The following MTNR1A variants were observed in gnomAD, a reference collection of about 807,000 sequenced individuals.
MTNR1A encodes the protein melatonin receptor type 1A.
In MTNR1A, 7 loss-of-function variants were observed where a neutral mutation model predicts 5.5. The observed-to-expected ratio is 1.28, with a 90% confidence interval of 0.73 to 2.40. MTNR1A has a LOEUF of 2.40. MTNR1A is among the 30% of genes most tolerant of loss of function. The pLI, the probability that MTNR1A is intolerant of heterozygous loss-of-function variation, is 0.00. For missense variants in MTNR1A, 441 were observed against 464.4 expected (o/e 0.95, Z 0.46); for synonymous variants, 196 against 202.7 (o/e 0.97, Z 0.28).
rs779510062 is a variant in MTNR1A at position 186,555,217 on chromosome 4, A to G, written c.149T>C (p.Leu50Pro). The change falls in exon 1 of 2, where the codon CTG becomes CCG. Residue 50 changes from leucine to proline, a missense_variant. Physicochemically the swap from Leu to Pro is moderately conservative, Grantham distance 98. Transcript: ENST00000307161. This position sits in a 1 kb window ranked among gnomAD's most constrained non-coding sequence, Gnocchi z 4.1. ...VDILGNLLVILSVYRNKKLRN... is the reference protein window; with the variant it reads ...VDILGNLLVIPSVYRNKKLRN... ...GAGCTTCTTGTTCCGATACACCGAC[A>G]GGATGACCAGGAGGTTGCCCAGGAT... 3.8e-6 allele frequency: 6 copies of G among 1,592,626 alleles called. No homozygotes were observed. The South Asian group carries it at 6.8e-5, about 18-fold the overall frequency.
chr4:186,538,882 G>A (rs1736940733), intron 1 of MTNR1A, among the ~76,000 whole-genome samples: 1 of 152,098 alleles, frequency 6.6e-6, no homozygotes, highest in African/African-American at 2.4e-5. Flanking sequence ...CAGTAGTTAA[G>A]GGACACTGGT....
chr4:186,539,822 A>G (rs2111372833), intron 1 of MTNR1A, among the ~76,000 whole-genome samples: 1 of 152,350 alleles, frequency 6.6e-6, no homozygotes, highest in African/African-American at 2.4e-5. Context: ...AGATTAAGAC[A>G]CCAATGGGGC....
intron 1 of MTNR1A, among the ~76,000 whole-genome samples, chr4:186,536,683 G>A (rs1028346833): frequency 6.6e-6 from 1 of 152,146 alleles, no homozygotes; most frequent in Non-Finnish European, 1.5e-5. Flanking sequence ...CAGTCAAGAT[G>A]AGAGAAAGGC....
At chr4:186,537,896 T>A (rs953135498) in intron 1 of MTNR1A, among the ~76,000 whole-genome samples, 1 of 152,362 alleles carries the variant, frequency 6.6e-6, no homozygotes, top group South Asian at 2.1e-4. Context: ...TAAGTCAGTA[T>A]GCTGGCAACA....
At chr4:186,542,183 C>T (rs1737039630) in intron 1 of MTNR1A, among the ~76,000 whole-genome samples, 1 of 152,184 alleles carries the variant, frequency 6.6e-6, no homozygotes, top group Non-Finnish European at 1.5e-5. Flanking sequence ...AGCGGAGCAC[C>T]ATTCCCTGGG....
chr4:186,534,048 G>T lies in MTNR1A; in HGVS notation c.694C>A (p.Gln232Lys), dbSNP rs1736775144. ...ATGGTGACAAAATTCCTGAAGTCCT[G>T]TGGTTTCAGTTTGGGTTTGCGGTCA... ...KPDRKPKLKPQDFRNFVTMFV... is the reference protein window; with the variant it reads ...KPDRKPKLKPKDFRNFVTMFV... The change falls in exon 2 of 2, where the codon CAG becomes AAG. Residue 232 changes from glutamine (Q) to lysine (K), a missense_variant. By Grantham distance (53) the Gln-to-Lys change is moderately conservative (BLOSUM62 1). Transcript: ENST00000307161. The T allele has an allele frequency of 6.2e-7, 1 of 1,614,086 alleles. No homozygotes were observed. The highest frequency in any genetic ancestry group is 8.5e-7 in the Non-Finnish European group (1 of 1,180,026).
At chr4:186,543,115 T>C (rs752648910) in intron 1 of MTNR1A, among the ~76,000 whole-genome samples, 1 of 152,082 alleles carries the variant, frequency 6.6e-6, no homozygotes, top group East Asian at 1.9e-4. Flanking sequence ...ACCAGAAAAC[T>C]GGAGGTTGAG....
chr4:186,534,363 A>T lies in MTNR1A; in HGVS notation c.379T>A (p.Cys127Ser), dbSNP rs1736789492. The T allele has an allele frequency of 6.2e-7, 1 of 1,614,156 alleles. No individual in the cohort carries two copies. The highest frequency in any genetic ancestry group is 1.3e-5 in the African/African-American group (1 of 75,036). Residue 127 changes from cysteine (C) to serine (S), a missense_variant, in exon 2 of 2, where the codon TGC becomes AGC. Transcript: ENST00000307161. ...TACTTGAGACTGTGGCAGATGTAGC[A>T]GTAGCGGTTGATGGCGATGCCGGTG... The part of the protein sequence containing the change: ...NITGIAINRY[C>S]YICHSLKYDK...
At chr4:186,554,776 A>C (rs1329642522) in intron 1 of MTNR1A, among the ~76,000 whole-genome samples, 1 of 152,204 alleles carries the variant, frequency 6.6e-6, no homozygotes, top group Non-Finnish European at 1.5e-5. Context: ...TCATTTTGCC[A>C]GCTTCTATGT....
At chr4:186,542,165 A>G (rs181866736) in intron 1 of MTNR1A, among the ~76,000 whole-genome samples, 2 of 152,296 alleles carry the variant, frequency 1.3e-5, no homozygotes, top group Non-Finnish European at 1.5e-5. Flanking sequence ...AAGAGTGGAG[A>G]TAACACCAGC....
At chr4:186,550,445 A>G (rs1737246544) in intron 1 of MTNR1A, among the ~76,000 whole-genome samples, 1 of 152,212 alleles carries the variant, frequency 6.6e-6, no homozygotes, top group Non-Finnish European at 1.5e-5. Flanking sequence ...TAAAGATCTT[A>G]CCATTCATTT....
intron 1 of MTNR1A, among the ~76,000 whole-genome samples, chr4:186,541,015 G>A (rs1466514852): frequency 1.3e-5 from 2 of 152,232 alleles, no homozygotes; most frequent in Non-Finnish European, 2.9e-5. Context: ...GAAGGCACAG[G>A]GAAGATGCAA....
At chr4:186,545,873 T>C (rs1414839355) in intron 1 of MTNR1A, among the ~76,000 whole-genome samples, 2 of 152,092 alleles carry the variant, frequency 1.3e-5, no homozygotes, top group African/African-American at 4.8e-5. Context: ...TCTCTGGCAG[T>C]ACAAGGGAAA....
chr4:186,553,912 T>C (rs1737314284), intron 1 of MTNR1A, among the ~76,000 whole-genome samples: 1 of 152,154 alleles, frequency 6.6e-6, no homozygotes, highest in African/African-American at 2.4e-5. Context: ...GCTCTGGGAA[T>C]TCAACCGGGC....
At position 186,533,767 on chromosome 4, in the gene MTNR1A, G is replaced by A. The variant is rs761259487; in HGVS notation, c.975C>T (p.Asn325=). The part of the protein sequence containing the change: ...TARVFFVDSS[N]DVADRVKWKP... ...TCCATTTAACCCTATCGGCCACGTC[G>A]TTAGAGCTGTCCACAAAGAACACCC... The change falls in exon 2 of 2, where the codon AAC becomes AAT. Residue 325 remains asparagine (N), a synonymous_variant. Coordinates refer to ENST00000307161, the MANE Select transcript of MTNR1A (RefSeq NM_005958.4). The A allele has an allele frequency of 2.9e-5, 46 of 1,614,022 alleles. No homozygotes were observed. The highest frequency in any genetic ancestry group is 1.2e-4 in the Admixed American group (7 of 59,992).
At position 186,555,465 on chromosome 4, in the gene MTNR1A, C is replaced by T; in HGVS notation, c.-100G>A. The T allele has an allele frequency of 9.7e-7, 1 of 1,033,616 alleles. No homozygotes were observed. The highest frequency in any genetic ancestry group is 1.2e-6 in the Non-Finnish European group (1 of 813,484). 64.0% of individuals were successfully genotyped at this position (1,033,616 alleles called of 1,614,324 possible). A position where few individuals can be genotyped will look rare whatever the true frequency, so the allele number is the denominator to read the frequency against. On this transcript the variant is annotated 5_prime_UTR_variant, in exon 1 of 2. An upstream start codon of the reference 5' UTR is lost. Coordinates refer to ENST00000307161, the MANE Select transcript of MTNR1A (RefSeq NM_005958.4). The surrounding 1 kb of genome is among the most constrained non-coding windows in gnomAD (Gnocchi z 4.1). ...CCCGGCGCTCCCCGCGCCCACGCCC[C>T]ATCCCGCGCGCTCCTCCACGCCGCG... is the stretch of plus-strand genomic sequence containing the variant.
chr4:186,541,831 G>A (rs976454292), intron 1 of MTNR1A, among the ~76,000 whole-genome samples: 2 of 152,136 alleles, frequency 1.3e-5, no homozygotes, highest in African/African-American at 2.4e-5. Flanking sequence ...CCAGTCCCTG[G>A]TGCCAAAAAG....
At chr4:186,546,892 C>T in intron 1 of MTNR1A, among the ~76,000 whole-genome samples, 1 of 135,558 alleles carries the variant, frequency 7.4e-6, no homozygotes, top group Admixed American at 7.1e-5. Flanking sequence ...GTTCGTGGGA[C>T]ACACCGTCCA....
chr4:186,549,388 T>C (rs760229020), intron 1 of MTNR1A, among the ~76,000 whole-genome samples: 3 of 152,208 alleles, frequency 2.0e-5, no homozygotes, highest in Non-Finnish European at 2.9e-5. Context: ...GAAGCCAGTG[T>C]GTTCTTCACT....
Sources: gnomAD v4.1 joint callset for allele counts (sites outside exome capture counted in the v4.1 genomes callset) on GRCh38, gnomAD v4.1.1 for gene constraint, Gnocchi (gnomAD v3.1) non-coding constraint, MANE v1.5 for transcripts, NCBI Gene and HGNC (gene_info 2026-07-23, HGNC 2026-07-21) for gene names.